SGSM3: variants seen among roughly 807,000 people sequenced by gnomAD.
SGSM3 encodes RUN and SH3 containing 3.
A neutral mutation model predicts 100.5 loss-of-function variants in SGSM3; 96 were observed. That is an observed-to-expected ratio of 0.96 (90% CI 0.81 to 1.13). The LOEUF (loss-of-function observed/expected upper bound fraction) is 1.13. Ranked by LOEUF, SGSM3 falls within the 50% of genes most tolerant of loss-of-function variation. The probability of loss-of-function intolerance (pLI) is 0.00; values close to 1 mark genes in which losing one functional copy is unlikely to be tolerated. For synonymous variants in SGSM3, 483 were observed against 422.8 expected (o/e 1.14, Z -1.75); for missense variants, 1,001 against 1,015.8 (o/e 0.99, Z 0.20).
chr22:40,406,693 C>T (rs926159360), intron 10 of SGSM3, 31 bp downstream of exon 10: 6 of 1,557,296 alleles, frequency 3.9e-6, no homozygotes, highest in Non-Finnish European at 4.4e-6. Flanking sequence ...GCACCTTGAC[C>T]CACAGCACAC....
At chr22:40,395,104 G>T (rs922558918) in intron 1 of SGSM3, among the ~76,000 whole-genome samples, 1 of 152,074 alleles carries the variant, frequency 6.6e-6, no homozygotes, top group African/African-American at 2.4e-5. Context: ...CAAGAACTTT[G>T]TCCATCTTGT....
intron 17 of SGSM3, 26 bp from the exon 18 acceptor site, chr22:40,408,768 C>T (rs1336149576): frequency 1.2e-6 from 2 of 1,613,752 alleles, no homozygotes; most frequent in Non-Finnish European, 1.7e-6. Flanking sequence ...AGCCCCGGCA[C>T]CCCAGGAGCT....
chr22:40,406,353 C>T, intron 9 of SGSM3, 85 bp from the exon 10 acceptor site: 1 of 1,497,438 alleles, frequency 6.7e-7, no homozygotes, highest in Non-Finnish European at 9.0e-7. Context: ...CAAACGGGTC[C>T]CTGAGGATGG....
At chr22:40,402,968 AC>A (rs1195492281) in intron 4 of SGSM3, among the ~76,000 whole-genome samples, 1 of 152,214 alleles carries the variant, frequency 6.6e-6, no homozygotes, top group Non-Finnish European at 1.5e-5. Context: ...CAGGTCACTC[AC>A]GTTTCCAATT....
chr22:40,408,003 C>G, intron 14 of SGSM3, 68 bp from the exon 15 acceptor site: 2 of 1,530,354 alleles, frequency 1.3e-6, no homozygotes, highest in Non-Finnish European at 1.8e-6. Context: ...CTCAGCCTGC[C>G]TGCAGGCTGT....
At chr22:40,388,910 T>C (rs2048900259) in intron 1 of SGSM3, among the ~76,000 whole-genome samples, 1 of 152,026 alleles carries the variant, frequency 6.6e-6, no homozygotes, top group Non-Finnish European at 1.5e-5. Context: ...AGGACCAGGT[T>C]CATGAGGAAA....
chr22:40,406,687 C>T (rs1602099289), intron 10 of SGSM3, 25 bp downstream of exon 10: 2 of 1,577,108 alleles, frequency 1.3e-6, no homozygotes, highest in Non-Finnish European at 1.7e-6. Context: ...GGGGCCGCAC[C>T]TTGACCCACA....
rs1452047795 is a variant in SGSM3 at position 40,407,119 on chromosome 22, C to A, written c.1240+48C>A. The A allele has an allele frequency of 1.2e-6, 2 of 1,609,160 alleles. No homozygotes were observed. Among genetic ancestry groups the A allele is most frequent in the Non-Finnish European group, 1.7e-6 (2 of 1,177,858 alleles). On this transcript the variant is annotated intron_variant, in intron 11 of 21. Transcript: ENST00000248929. The surrounding 1 kb of genome is among the most constrained non-coding windows in gnomAD (Gnocchi z 4.7). ...GCAGTGTGGGCATGCGGGAGTCTGT[C>A]CTCACGCTCATGTGGACGTGGAGCT...
intron 1 of SGSM3, among the ~76,000 whole-genome samples, chr22:40,394,855 C>G (rs934724274): frequency 1.3e-5 from 2 of 152,052 alleles, no homozygotes; most frequent in Admixed American, 6.6e-5. Flanking sequence ...TAAAAATAAC[C>G]CCTCCACTCC....
At chr22:40,403,867 G>T (rs2051082561) in intron 4 of SGSM3, among the ~76,000 whole-genome samples, 1 of 152,220 alleles carries the variant, frequency 6.6e-6, no homozygotes, top group South Asian at 2.1e-4. Context: ...AAGGGCCATG[G>T]TCAGGGGTGG....
chr22:40,381,739 G>A (rs1000023417), intron 1 of SGSM3, among the ~76,000 whole-genome samples: 1 of 152,166 alleles, frequency 6.6e-6, no homozygotes, highest in Non-Finnish European at 1.5e-5. Context: ...AGGATTCCTT[G>A]AGGCCAAGAG....
chr22:40,397,611 GGCCTCGTAGTCCCCT>G, intron 1 of SGSM3, among the ~76,000 whole-genome samples: 1 of 152,272 alleles, frequency 6.6e-6, no homozygotes, highest in South Asian at 2.1e-4. Context: ...CACACTGTGA[GGCCTCGTAGTCCCCT>G]GCTGTGTCTT....
intron 20 of SGSM3, 25 bp downstream of exon 20, chr22:40,409,397 G>A (rs781465371): frequency 1.3e-6 from 2 of 1,580,758 alleles, no homozygotes; most frequent in Admixed American, 1.8e-5. Flanking sequence ...GGGCTTGGGG[G>A]ATGGAGGTGG....
At chr22:40,374,735 C>T (rs2046266528) in intron 1 of SGSM3, among the ~76,000 whole-genome samples, 1 of 152,186 alleles carries the variant, frequency 6.6e-6, no homozygotes, top group Non-Finnish European at 1.5e-5. Context: ...CATAAAATTG[C>T]CAGTCATGGT....
At chr22:40,405,013 G>A in intron 6 of SGSM3, 128 bp from the exon 7 acceptor site, 1 of 1,295,132 alleles carries the variant, frequency 7.7e-7, no homozygotes. Context: ...ACCCTGAAGG[G>A]AGGAGGGTGA....
chr22:40,404,039 A>G (rs2051110685), intron 4 of SGSM3: 1 of 416,390 alleles, frequency 2.4e-6, no homozygotes. Context: ...TTTGAGGAGA[A>G]GGTGAAGAGC....
chr22:40,401,516 G>A (rs954653515), intron 2 of SGSM3, 77 bp from the exon 3 acceptor site: 14 of 1,169,702 alleles, frequency 1.2e-5, no homozygotes, highest in South Asian at 2.4e-5. Context: ...AAAGTACTGA[G>A]ATTACAGGCG....
Position 40,406,198 on chromosome 22 carries a change from T to C in SGSM3, c.935T>C (p.Leu312Pro). Residue 312 changes from leucine (L) to proline (P), a missense_variant, in exon 9 of 22, where the codon CTC becomes CCC. By Grantham distance (98) the Leu-to-Pro change is moderately conservative. Coordinates refer to ENST00000248929, the MANE Select transcript of SGSM3 (RefSeq NM_015705.6). ...FYEGSRVLFQ[L>P]TLGMLHLKEE... Reference sequence around the variant, plus strand: ...GAGGGCTCCCGGGTGCTGTTCCAGCTCACGCTGGGCATGCTGCACCTCAAG... The same window carrying C: ...GAGGGCTCCCGGGTGCTGTTCCAGCCCACGCTGGGCATGCTGCACCTCAAG... 6.2e-7 allele frequency: 1 copy of C among 1,614,046 alleles called. No homozygotes were observed. The highest frequency in any genetic ancestry group is 8.5e-7 in the Non-Finnish European group (1 of 1,180,014).
intron 1 of SGSM3, among the ~76,000 whole-genome samples, chr22:40,377,960 C>A (rs2046925491): frequency 6.6e-6 from 1 of 151,908 alleles, no homozygotes; most frequent in Non-Finnish European, 1.5e-5. Flanking sequence ...ATACAAAGTA[C>A]CCCTAAAAAG....
Sources: gnomAD v4.1 joint callset for allele counts (sites outside exome capture counted in the v4.1 genomes callset) on GRCh38, gnomAD v4.1.1 for gene constraint, Gnocchi (gnomAD v3.1) non-coding constraint, MANE v1.5 for transcripts, NCBI Gene and HGNC (gene_info 2026-07-23, HGNC 2026-07-21) for gene names.